RBPJ: variants seen among roughly 807,000 people sequenced by gnomAD.
RBPJ encodes recombination signal binding protein for immunoglobulin kappa J region, also known as recombining binding protein suppressor of hairless.
In RBPJ, 9 loss-of-function variants were observed where a neutral mutation model predicts 67.8. The ratio of observed to expected loss-of-function variants is 0.13; its 90% CI spans 0.08 to 0.23. The LOEUF is 0.23. RBPJ is among the 10% of genes least tolerant of loss of function. The pLI, the probability that RBPJ is intolerant of heterozygous loss-of-function variation, is 1.00. For missense variants in RBPJ, 305 were observed against 595.6 expected, an observed-to-expected ratio of 0.51 and a Z score of 5.08; for synonymous variants, 198 against 203.3, an observed-to-expected ratio of 0.97 and a Z score of 0.22.
intron 1 of RBPJ, among the ~76,000 whole-genome samples, chr4:26,230,348 A>G (rs1323799046): frequency 3.3e-5 from 5 of 152,250 alleles, no homozygotes. Flanking sequence ...AAAACAAACC[A>G]GTGCTAATAA....
intron 1 of RBPJ, among the ~76,000 whole-genome samples, chr4:26,232,312 C>T (rs1418412338): frequency 6.6e-6 from 1 of 152,150 alleles, no homozygotes; most frequent in Non-Finnish European, 1.5e-5. Context: ...TAAACACGTG[C>T]CATGGTGATT....
In RBPJ at chr4:26,397,704, C is replaced by G. The variant is rs1354299102; in HGVS notation, c.60-8471C>G. Among the ~76,000 whole-genome samples, 3 of 151,946 alleles carry G rather than the reference C, an allele frequency of 2.0e-5. No individual in the cohort carries two copies. The East Asian group carries it at 5.8e-4, about 29-fold the overall frequency. ...GCTGGAGTGCAGTGGCGCGATCTTG[C>G]CTCACTGCAACCTCCACCTCCCAGG... On this transcript the variant is annotated intron_variant, in intron 2 of 10. Transcript: ENST00000355476.
At chr4:26,412,114 CAAAAA>C (rs146632582) in intron 3 of RBPJ, among the ~76,000 whole-genome samples, 1 of 112,416 alleles carries the variant, frequency 8.9e-6, no homozygotes, top group Admixed American at 8.8e-5. Flanking sequence ...GACTCCGTCT[CAAAAA>C]AAAAAAAAAA....
chr4:26,189,648 A>C (rs1316174046), intron 1 of RBPJ, among the ~76,000 whole-genome samples: 1 of 152,144 alleles, frequency 6.6e-6, no homozygotes, highest in Non-Finnish European at 1.5e-5. Flanking sequence ...ACAGAGCAAG[A>C]CTCCACCTAA....
intron 1 of RBPJ, chr4:26,362,416 A>C: frequency 1.1e-4 from 136 of 1,267,818 alleles, no homozygotes; most frequent in Non-Finnish European, 1.2e-4. Context: ...ACCAACACTT[A>C]AGGCCTTATT....
chr4:26,288,124 A>G (rs1721541313), intron 1 of RBPJ, among the ~76,000 whole-genome samples: 1 of 152,200 alleles, frequency 6.6e-6, no homozygotes, highest in Non-Finnish European at 1.5e-5. Context: ...TTTTAATTAC[A>G]TATCACTGAG....
At chr4:26,427,944 T>C (rs897279717) in intron 7 of RBPJ, among the ~76,000 whole-genome samples, 73 of 152,238 alleles carry the variant, frequency 4.8e-4, no homozygotes, top group Non-Finnish European at 4.1e-4. Flanking sequence ...AAGTGTCATA[T>C]AGGGTTTGAT....
upstream of RBPJ, among the ~76,000 whole-genome samples, chr4:26,316,595 A>AATATATATACACATATTG (rs1553861032): frequency 1.7e-3 from 204 of 121,490 alleles, 1 homozygote; most frequent in African/African-American, 7.1e-3. Flanking sequence ...TCATATATAT[A>AATATATATACACATATTG]ATATATATAT....
At chr4:26,390,674 G>T (rs1577591110) in intron 2 of RBPJ, among the ~76,000 whole-genome samples, 1 of 152,248 alleles carries the variant, frequency 6.6e-6, no homozygotes, top group East Asian at 1.9e-4. Context: ...CTGACAAAAG[G>T]TGCAAAAACT....
chr4:26,429,702 G>A (rs1167056301), intron 8 of RBPJ, among the ~76,000 whole-genome samples, 196 bp from the exon 9 acceptor site: 12 of 152,140 alleles, frequency 7.9e-5, no homozygotes, highest in Admixed American at 7.9e-4. Context: ...AAAAACTGCT[G>A]TCTATGGGGT....
rs3109839 is a variant in RBPJ at position 26,406,059 on chromosome 4, A to G, written c.60-116A>G. 0.58 allele frequency: 352,365 copies of G among 608,868 alleles called. 102,650 individuals carry two copies. The highest frequency in any genetic ancestry group is 0.68 in the Admixed American group (23,007 of 33,708). The allele number at this position is 608,868 out of a possible 1,614,324, so 37.7% of individuals were successfully genotyped here. ...TTGCTTTATTGTTTTTGTTTTTAAG[A>G]TTTGCTTATTTAAAAAATATTTATA... On this transcript the variant is annotated intron_variant, in intron 2 of 10. Transcript: ENST00000355476.
intron 4 of RBPJ, among the ~76,000 whole-genome samples, chr4:26,416,787 A>G (rs936335139): frequency 8.5e-5 from 13 of 152,082 alleles, no homozygotes; most frequent in Non-Finnish European, 1.9e-4. Flanking sequence ...GGGGATTTGT[A>G]CTCTCAAATT....
intron 3 of RBPJ, among the ~76,000 whole-genome samples, chr4:26,412,059 G>C (rs1034728599): frequency 2.0e-5 from 3 of 150,142 alleles, no homozygotes; most frequent in African/African-American, 7.4e-5. Context: ...AGCTTTCAGT[G>C]AGTGGAGGTC....
intron 1 of RBPJ, among the ~76,000 whole-genome samples, chr4:26,381,885 T>C (rs1730366449): frequency 6.6e-6 from 1 of 152,186 alleles, no homozygotes; most frequent in African/African-American, 2.4e-5. Flanking sequence ...TTATATAGTA[T>C]GCAGAAAATT....
At chr4:26,428,034 G>C (rs1423557386) in intron 7 of RBPJ, among the ~76,000 whole-genome samples, 1 of 152,178 alleles carries the variant, frequency 6.6e-6, no homozygotes. Context: ...CAGGCAGCCA[G>C]CCCTGGGATC....
chr4:26,431,314 GTAAA>G lies in RBPJ; in HGVS notation c.*311_*314del. 3.7e-6 allele frequency: 1 copy of G among 266,752 alleles called. No individual in the cohort carries two copies. The highest frequency in any genetic ancestry group is 7.1e-6 in the Non-Finnish European group (1 of 140,804). 16.5% of individuals were successfully genotyped at this position (266,752 alleles called of 1,614,324 possible). ...TTGGTTTTGTTTAAATGGGCAAGAA[GTAAA>G]TAATGTGGCTGGAATACAAGTTGAA... On this transcript the variant is annotated 3_prime_UTR_variant, in exon 11 of 11. Coordinates refer to ENST00000355476, the MANE Select transcript of RBPJ (RefSeq NM_015874.6).
At chr4:26,426,890 G>T (rs1348894625) in intron 7 of RBPJ, among the ~76,000 whole-genome samples, 2 of 152,196 alleles carry the variant, frequency 1.3e-5, no homozygotes, top group Non-Finnish European at 2.9e-5. Context: ...TTAGCACTAA[G>T]CAAGACCTTG....
At chr4:26,348,908 T>C (rs568781664) in intron 1 of RBPJ, among the ~76,000 whole-genome samples, 2 of 152,236 alleles carry the variant, frequency 1.3e-5, no homozygotes, top group South Asian at 4.1e-4. Flanking sequence ...AGTCTCACTA[T>C]GTTGCTCAGG....
chr4:26,297,544 T>G (rs943249743), intron 1 of RBPJ, among the ~76,000 whole-genome samples: 4 of 152,060 alleles, frequency 2.6e-5, no homozygotes, highest in Non-Finnish European at 2.9e-5. Flanking sequence ...TTACCTTTTT[T>G]ATAAGTAGCA....
Sources: gnomAD v4.1 joint callset for allele counts (sites outside exome capture counted in the v4.1 genomes callset) on GRCh38, gnomAD v4.1.1 for gene constraint, MANE v1.5 for transcripts, NCBI Gene and HGNC (gene_info 2026-07-23, HGNC 2026-07-21) for gene names.